Variants in SHROOM3 observed in about 807,000 individuals in gnomAD.
The protein encoded by SHROOM3 is protein Shroom3.
In SHROOM3, 47 loss-of-function variants were observed where a neutral mutation model predicts 138.6. The observed-to-expected ratio is 0.34, with a 90% CI of 0.27 to 0.43. The LOEUF (loss-of-function observed/expected upper bound fraction) is 0.43. SHROOM3 is among the 20% of genes least tolerant of loss of function. The pLI is 1.00. For missense variants in SHROOM3, 2,491 were observed against 2,596.5 expected, an observed-to-expected ratio of 0.96 and a Z score of 0.88; for synonymous variants, 1,062 against 1,063.3, an observed-to-expected ratio of 1.00 and a Z score of 0.02.
At chr4:76,454,681 G>T (rs1174510062) in intron 1 of SHROOM3, among the ~76,000 whole-genome samples, 1 of 152,016 alleles carries the variant, frequency 6.6e-6, no homozygotes, top group African/African-American at 2.4e-5. Context: ...TTTTAAGATA[G>T]GTTTTTTTAT....
At chr4:76,507,854 A>G (rs981260623) in intron 1 of SHROOM3, among the ~76,000 whole-genome samples, 1 of 151,994 alleles carries the variant, frequency 6.6e-6, no homozygotes, top group Non-Finnish European at 1.5e-5. Context: ...GGTCGTTTGT[A>G]TATCTTCTTA....
At chr4:76,748,854 T>G (rs1016289496) in intron 5 of SHROOM3, among the ~76,000 whole-genome samples, 163 bp from the exon 6 acceptor site, 1 of 145,700 alleles carries the variant, frequency 6.9e-6, no homozygotes, top group African/African-American at 2.6e-5. Flanking sequence ...TCGGCTTATC[T>G]CCTGCATCGA....
chr4:76,507,221 C>A (rs1372768724), intron 1 of SHROOM3, among the ~76,000 whole-genome samples: 1 of 152,134 alleles, frequency 6.6e-6, no homozygotes, highest in Non-Finnish European at 1.5e-5. Context: ...CTAAAAAGGA[C>A]ATAAAATATC....
chr4:76,509,256 C>G (rs13104498), intron 1 of SHROOM3: 44,948 of 151,796 alleles, frequency 0.3, 7,490 homozygotes, highest in African/African-American at 0.44. Context: ...ACATATCCCC[C>G]CCTCCGAATC....
chr4:76,549,696 T>C (rs1348990102), intron 1 of SHROOM3, among the ~76,000 whole-genome samples: 3 of 152,134 alleles, frequency 2.0e-5, no homozygotes, highest in Non-Finnish European at 2.9e-5. Context: ...CAACCAAGTT[T>C]ATTGTAGGAG....
chr4:76,610,957 T>C (rs1734748284), intron 2 of SHROOM3, among the ~76,000 whole-genome samples: 1 of 152,140 alleles, frequency 6.6e-6, no homozygotes, highest in Non-Finnish European at 1.5e-5. Context: ...AGAAACTATT[T>C]CACAACAATC....
At chr4:76,643,846 T>C (rs1047959092) in intron 2 of SHROOM3, among the ~76,000 whole-genome samples, 6 of 152,180 alleles carry the variant, frequency 3.9e-5, no homozygotes, top group African/African-American at 1.4e-4. Context: ...TCCAGCTCTT[T>C]TCTTTTTTTT....
At chr4:76,483,530 C>A (rs1731662105) in intron 1 of SHROOM3, among the ~76,000 whole-genome samples, 1 of 152,174 alleles carries the variant, frequency 6.6e-6, no homozygotes, top group Non-Finnish European at 1.5e-5. Context: ...GAAATAGGAA[C>A]ATTTTTACAC....
Position 76,740,390 on chromosome 4 carries a change from C to T in SHROOM3, c.2217C>T (p.Asp739=), listed in dbSNP as rs761415117. 1 of 1,613,084 alleles carries T rather than the reference C, an allele frequency of 6.2e-7. No homozygotes were observed. Among genetic ancestry groups the T allele is most frequent in the South Asian group, 1.1e-5 (1 of 91,086 alleles). Residue 739 remains aspartate, a synonymous_variant, in exon 5 of 11, where the codon GAC becomes GAT. Transcript: ENST00000296043. This position sits in a 1 kb window ranked among gnomAD's most constrained non-coding sequence, Gnocchi z 4.0. ...TGASASFNST[D]PSPEEPPAPS... ...CCTCGGCTTCTTTCAACAGCACAGACCCAAGTCCCGAAGAGCCGCCTGCCC... is the reference window on the plus strand; with the variant it reads ...CCTCGGCTTCTTTCAACAGCACAGATCCAAGTCCCGAAGAGCCGCCTGCCC...
intron 1 of SHROOM3, among the ~76,000 whole-genome samples, chr4:76,528,825 A>G (rs1439186441): frequency 6.6e-6 from 1 of 152,134 alleles, no homozygotes; most frequent in African/African-American, 2.4e-5. Context: ...AAGTGCTGGG[A>G]TTACAGGTGT....
At chr4:76,762,605 C>T (rs1722021272) in intron 9 of SHROOM3, among the ~76,000 whole-genome samples, 1 of 152,200 alleles carries the variant, frequency 6.6e-6, no homozygotes, top group Non-Finnish European at 1.5e-5. Flanking sequence ...TTCCCTCAAT[C>T]CTTTCTTCTA....
chr4:76,554,945 C>T (rs980250483), intron 1 of SHROOM3, among the ~76,000 whole-genome samples: 2 of 151,722 alleles, frequency 1.3e-5, no homozygotes, highest in Admixed American at 6.6e-5. Context: ...TTGTGAACTA[C>T]ACATGCGAGG....
intron 1 of SHROOM3, among the ~76,000 whole-genome samples, chr4:76,522,844 A>C (rs1292665373): frequency 6.6e-6 from 1 of 152,192 alleles, no homozygotes. Flanking sequence ...ATATATGGCT[A>C]TAGTAATAGC....
chr4:76,677,066 G>T (rs1719061252), intron 2 of SHROOM3, among the ~76,000 whole-genome samples: 1 of 151,278 alleles, frequency 6.6e-6, no homozygotes, highest in African/African-American at 2.4e-5. Context: ...AAGAAAATTT[G>T]AATAAATTCC....
intron 2 of SHROOM3, among the ~76,000 whole-genome samples, chr4:76,649,391 G>A (rs1274674217): frequency 6.6e-6 from 1 of 152,166 alleles, no homozygotes; most frequent in African/African-American, 2.4e-5. Context: ...CCAAATCAAA[G>A]AGCTGCTTCT....
chr4:76,715,657 C>T (rs920590795), intron 3 of SHROOM3, among the ~76,000 whole-genome samples: 10 of 152,244 alleles, frequency 6.6e-5, no homozygotes, highest in East Asian at 1.9e-4. Flanking sequence ...ATGGGGATCT[C>T]GGATCACCAT....
At chr4:76,533,728 C>T (rs780124683) in intron 1 of SHROOM3, among the ~76,000 whole-genome samples, 20 of 152,280 alleles carry the variant, frequency 1.3e-4, no homozygotes, top group Middle Eastern at 3.4e-3. Flanking sequence ...ACCAAATCAG[C>T]TGTTTGGATG....
At position 76,741,453 on chromosome 4, in the gene SHROOM3, A is replaced by T. The variant is rs1187365971; in HGVS notation, c.3280A>T (p.Thr1094Ser). 1.9e-6 allele frequency: 3 copies of T among 1,578,788 alleles called. No homozygotes were observed. The Admixed American group carries it at 5.4e-5, about 28-fold the overall frequency. The change falls in exon 5 of 11, where the codon ACC becomes TCC. Residue 1094 changes from threonine (T) to serine (S), a missense_variant. Thr to Ser is a moderately conservative substitution (Grantham distance 58). Transcript: ENST00000296043. This position sits in a 1 kb window ranked among gnomAD's most constrained non-coding sequence, Gnocchi z 6.2. ...SALADYIQRKTGKRPTSAAGC... is the reference protein window; with the variant it reads ...SALADYIQRKSGKRPTSAAGC... ...CCTGGCGGACTACATCCAGCGCAAG[A>T]CCGGCAAGCGGCCTACCTCCGCCGC... is the stretch of plus-strand genomic sequence containing the variant.
Position 76,689,538 on chromosome 4 carries a change from G to A in SHROOM3, c.324-20618G>A. On this transcript the variant is annotated intron_variant, in intron 2 of 10. Transcript: ENST00000296043. Reference sequence around the variant, plus strand: ...CGTGCAGCTGTAGCCGCGGCGCGGTGGCGCGGTGGCGCAGGGCGCTGCTGG... The same window carrying A: ...CGTGCAGCTGTAGCCGCGGCGCGGTAGCGCGGTGGCGCAGGGCGCTGCTGG... 3.0e-6 allele frequency: 3 copies of A among 984,128 alleles called. No homozygotes were observed. In the African/African-American group the frequency reaches 5.2e-5, roughly 17 times the overall value. 61.0% of individuals were successfully genotyped at this position (984,128 alleles called of 1,614,324 possible).
Sources: allele counts gnomAD v4.1 joint callset (sites outside exome capture counted in the v4.1 genomes callset), GRCh38; gene constraint gnomAD v4.1.1; non-coding constraint Gnocchi (gnomAD v3.1); transcripts MANE v1.5; gene names NCBI Gene and HGNC (gene_info 2026-07-23, HGNC 2026-07-21).